BMPR2: variants seen among roughly 807,000 people sequenced by gnomAD.
The protein encoded by BMPR2 is bone morphogenetic protein receptor type-2.
Under a neutral mutation model 100.8 loss-of-function variants are expected in BMPR2, and 29 were observed. The ratio of observed to expected loss-of-function variants is 0.29; its 90% CI spans 0.21 to 0.39. The LOEUF is 0.39. Among genes scored for constraint, BMPR2 ranks in the 10% least tolerant of loss-of-function variants. BMPR2 has a pLI of 1.00. For missense variants in BMPR2, 1,011 were observed against 1,274.5 expected (o/e 0.79, Z 3.15); for synonymous variants, 382 against 442.3 (o/e 0.86, Z 1.71).
chr2:202,556,246 A>T lies in BMPR2; in HGVS notation c.2581A>T (p.Asn861Tyr). 6.2e-7 allele frequency: 1 copy of T among 1,613,814 alleles called. No homozygotes were observed. Among genetic ancestry groups the T allele is most frequent in the Non-Finnish European group, 8.5e-7 (1 of 1,179,704 alleles). The change falls in exon 12 of 13, where the codon AAT (asparagine) becomes TAT (tyrosine). Residue 861 changes from asparagine (N) to tyrosine (Y), a missense_variant. Asn to Tyr is a moderately radical substitution (Grantham distance 143). Transcript: ENST00000374580. ...FIGEDTRLNI[N>Y]SSPDEHEPLL... ...TGGTGAGGACACCCGGCTGAATATT[A>T]ATTCCAGTCCTGATGAGCATGAGCC...
At chr2:202,501,635 G>C (rs1332757416) in intron 3 of BMPR2, among the ~76,000 whole-genome samples, 2 of 152,198 alleles carry the variant, frequency 1.3e-5, no homozygotes, top group Non-Finnish European at 2.9e-5. Context: ...GGCCATCTTA[G>C]CATCAGAGGC....
chr2:202,381,050 C>A (rs1241013154), intron 1 of BMPR2, among the ~76,000 whole-genome samples: 2 of 144,676 alleles, frequency 1.4e-5, no homozygotes, highest in Non-Finnish European at 3.0e-5. Flanking sequence ...TCTCAGCTCA[C>A]TGCAACCTCT....
At chr2:202,524,441 A>G (rs1285472999) in intron 7 of BMPR2, among the ~76,000 whole-genome samples, 2 of 151,880 alleles carry the variant, frequency 1.3e-5, no homozygotes, top group Non-Finnish European at 2.9e-5. Flanking sequence ...CTCAAACCTC[A>G]GCATCATACT....
At chr2:202,470,812 A>G (rs1401354032) in intron 3 of BMPR2, among the ~76,000 whole-genome samples, 1 of 152,064 alleles carries the variant, frequency 6.6e-6, no homozygotes, top group Non-Finnish European at 1.5e-5. Flanking sequence ...AGAGCCTGTA[A>G]TCCCAGCACT....
At chr2:202,414,188 A>T (rs1222522129) in intron 1 of BMPR2, among the ~76,000 whole-genome samples, 1 of 152,172 alleles carries the variant, frequency 6.6e-6, no homozygotes, top group African/African-American at 2.4e-5. Flanking sequence ...AAACATTTTA[A>T]TTATTACATT....
intron 3 of BMPR2, among the ~76,000 whole-genome samples, chr2:202,470,213 A>T (rs1439045246): frequency 6.6e-6 from 1 of 151,846 alleles, no homozygotes; most frequent in South Asian, 2.1e-4. Flanking sequence ...GTGCTGGTGC[A>T]TGCCTGTAAT....
At chr2:202,424,353 G>A (rs181362353) in intron 1 of BMPR2, among the ~76,000 whole-genome samples, 4 of 151,174 alleles carry the variant, frequency 2.6e-5, no homozygotes, top group Non-Finnish European at 5.9e-5. Flanking sequence ...CAGCCTGGGC[G>A]ACAGAGCAGG....
In BMPR2 at chr2:202,556,201, A is replaced by C; in HGVS notation, c.2536A>C (p.Met846Leu). 6.2e-7 allele frequency: 1 copy of C among 1,611,332 alleles called. No individual in the cohort carries two copies. The highest frequency in any genetic ancestry group is 8.5e-7 in the Non-Finnish European group (1 of 1,177,820). Reference sequence around the variant, plus strand: ...CATAGTGACACATAGGGCCCAAGAAATGTTGCAGAATCAGTTTATTGGTGA... The same window carrying C: ...CATAGTGACACATAGGGCCCAAGAACTGTTGCAGAATCAGTTTATTGGTGA... ...TNIVTHRAQE[M>L]LQNQFIGEDT... The change falls in exon 12 of 13, where the codon ATG (methionine) becomes CTG (leucine). Residue 846 changes from methionine to leucine, a missense_variant. Met to Leu is a conservative substitution (Grantham distance 15). Coordinates refer to ENST00000374580, the MANE Select transcript of BMPR2 (RefSeq NM_001204.7).
At chr2:202,422,857 C>CG (rs1482494222) in intron 1 of BMPR2, among the ~76,000 whole-genome samples, 1 of 151,528 alleles carries the variant, frequency 6.6e-6, no homozygotes, top group Non-Finnish European at 1.5e-5. Context: ...TTCTGTTTTT[C>CG]GTAGAGATGG....
intron 9 of BMPR2, among the ~76,000 whole-genome samples, chr2:202,535,389 C>A (rs1054003331): frequency 6.6e-6 from 1 of 151,286 alleles, no homozygotes; most frequent in African/African-American, 2.4e-5. Context: ...GGCAGAGACG[C>A]TCCTCACCTC....
At chr2:202,458,477 AT>A (rs556658541) in intron 1 of BMPR2, among the ~76,000 whole-genome samples, 145 of 149,078 alleles carry the variant, frequency 9.7e-4, no homozygotes, top group African/African-American at 2.0e-3. Context: ...CTCAAAAAAA[AT>A]TTTTTTTTTT....
At chr2:202,527,206 G>C (rs1368305134) in intron 7 of BMPR2, among the ~76,000 whole-genome samples, 1 of 152,108 alleles carries the variant, frequency 6.6e-6, no homozygotes, top group African/African-American at 2.4e-5. Context: ...AATATTCCCT[G>C]GCCAAATGCA....
At chr2:202,412,809 G>A (rs1455717031) in intron 1 of BMPR2, among the ~76,000 whole-genome samples, 1 of 152,000 alleles carries the variant, frequency 6.6e-6, no homozygotes, top group African/African-American at 2.4e-5. Context: ...ATTTTCTTAT[G>A]TTTATACCTA....
chr2:202,548,017 G>A (rs561934395), intron 10 of BMPR2, among the ~76,000 whole-genome samples: 2 of 151,856 alleles, frequency 1.3e-5, no homozygotes, highest in South Asian at 4.2e-4. Flanking sequence ...CCTGGGAGGT[G>A]GAGATTGCAG....
At chr2:202,436,874 C>T (rs868671190) in intron 1 of BMPR2, among the ~76,000 whole-genome samples, 3 of 150,660 alleles carry the variant, frequency 2.0e-5, no homozygotes, top group African/African-American at 7.5e-5. Flanking sequence ...ACTAGGTCTT[C>T]GCAAAATATT....
intron 1 of BMPR2, among the ~76,000 whole-genome samples, chr2:202,448,109 G>A (rs1156657987): frequency 1.3e-5 from 2 of 149,796 alleles, no homozygotes; most frequent in South Asian, 2.1e-4. Context: ...GAATACTGCC[G>A]GGCACATAAC....
intron 2 of BMPR2, among the ~76,000 whole-genome samples, chr2:202,465,864 A>T (rs2105960712): frequency 6.6e-6 from 1 of 152,362 alleles, no homozygotes; most frequent in Non-Finnish European, 1.5e-5. Flanking sequence ...AAAAAAAAAA[A>T]ATTAGGAACA....
At chr2:202,468,045 GA>G (rs1231148438) in intron 3 of BMPR2, among the ~76,000 whole-genome samples, 4 of 149,132 alleles carry the variant, frequency 2.7e-5, no homozygotes, top group South Asian at 4.3e-4. Flanking sequence ...GAACCTAAAA[GA>G]AAAAAAAAAT....
intron 3 of BMPR2, among the ~76,000 whole-genome samples, chr2:202,470,217 C>T (rs1408558384): frequency 6.6e-6 from 1 of 151,940 alleles, no homozygotes; most frequent in Non-Finnish European, 1.5e-5. Flanking sequence ...TGGTGCATGC[C>T]TGTAATCCCA....
Sources: allele counts gnomAD v4.1 joint callset (sites outside exome capture counted in the v4.1 genomes callset), GRCh38; gene constraint gnomAD v4.1.1; transcripts MANE v1.5; gene names NCBI Gene and HGNC (gene_info 2026-07-23, HGNC 2026-07-21).